The following PNPLA7 variants were observed in gnomAD, a reference collection of about 807,000 sequenced individuals.
PNPLA7 encodes patatin-like phospholipase domain-containing protein 7.
In PNPLA7, 153 loss-of-function variants were observed where a neutral mutation model predicts 161.7. The ratio of observed to expected loss-of-function variants is 0.95; its 90% CI spans 0.83 to 1.08. The LOEUF (loss-of-function observed/expected upper bound fraction) is 1.08, where lower values mean the gene tolerates loss of function less well. Ranked by LOEUF, PNPLA7 falls within the 50% of genes least tolerant of loss-of-function variation. PNPLA7 has a pLI of 0.00. For missense variants in PNPLA7, 1,739 were observed against 1,856.6 expected (o/e 0.94, Z 1.16); for synonymous variants, 809 against 782.1 (o/e 1.03, Z -0.57).
At chr9:137,517,205 C>CT (rs1200561225) in intron 11 of PNPLA7, among the ~76,000 whole-genome samples, 1 of 134,580 alleles carries the variant, frequency 7.4e-6, no homozygotes, top group Admixed American at 7.2e-5. Flanking sequence ...CACTCCATCC[C>CT]CCGTCACTCA....
chr9:137,465,836 G>A (rs1176454276), intron 26 of PNPLA7, among the ~76,000 whole-genome samples: 2 of 152,194 alleles, frequency 1.3e-5, no homozygotes, highest in Non-Finnish European at 2.9e-5. Flanking sequence ...TTCCACAAAA[G>A]CAAGCGCAGC....
At chr9:137,471,861 G>A (rs948102390) in intron 25 of PNPLA7, among the ~76,000 whole-genome samples, 5 of 151,946 alleles carry the variant, frequency 3.3e-5, no homozygotes, top group Non-Finnish European at 5.9e-5. Flanking sequence ...AGACACTGAC[G>A]AGCTGATTTT....
intron 14 of PNPLA7, among the ~76,000 whole-genome samples, chr9:137,503,891 A>G (rs1320787643): frequency 7.2e-4 from 37 of 51,638 alleles, no homozygotes; most frequent in Admixed American, 1.0e-3. Context: ...AGAAGAAGGA[A>G]GAAGAAGAAG....
chr9:137,507,699 G>T (rs1291384188), intron 12 of PNPLA7, among the ~76,000 whole-genome samples: 2 of 149,520 alleles, frequency 1.3e-5, no homozygotes, highest in Non-Finnish European at 2.9e-5. Context: ...AAATACGGGG[G>T]CCAGGCATGG....
chr9:137,463,716 T>A (rs1230537890), intron 28 of PNPLA7, among the ~76,000 whole-genome samples, 185 bp from the exon 29 acceptor site: 2 of 151,966 alleles, frequency 1.3e-5, no homozygotes, highest in Non-Finnish European at 2.9e-5. Context: ...TCGCACTGCA[T>A]TACATGTGCC....
chr9:137,494,273 TC>T (rs1268989105), intron 19 of PNPLA7, among the ~76,000 whole-genome samples: 1 of 152,018 alleles, frequency 6.6e-6, no homozygotes, highest in Non-Finnish European at 1.5e-5. Flanking sequence ...CTTCTCCAGA[TC>T]TCAGAGTGAG....
intron 16 of PNPLA7, 30 bp from the exon 17 acceptor site, chr9:137,498,275 C>G: frequency 1.9e-6 from 3 of 1,605,546 alleles, no homozygotes; most frequent in Non-Finnish European, 2.5e-6. Flanking sequence ...CAATCCTGCC[C>G]CATCCCTCCA....
chr9:137,502,332 A>G (rs1410474470), intron 14 of PNPLA7, among the ~76,000 whole-genome samples: 1 of 152,132 alleles, frequency 6.6e-6, no homozygotes, highest in Non-Finnish European at 1.5e-5. Flanking sequence ...GATGAAATAA[A>G]AATAAGAAGC....
rs1397608076 is a variant in PNPLA7 at position 137,543,668 on chromosome 9, G to A, written c.365+56C>T. On this transcript the variant is annotated intron_variant, in intron 5 of 34. Coordinates refer to ENST00000406427, the MANE Select transcript of PNPLA7 (RefSeq NM_001098537.3). The surrounding 1 kb of genome is among the most constrained non-coding windows in gnomAD (Gnocchi z 6.9). ...ACACCAGGCAGCTCAGGGTTGGGGA[G>A]GCCAGCACCATGGGGGGCACCTGGG... 3 of 1,611,934 alleles carry A rather than the reference G, an allele frequency of 1.9e-6. No individual in the cohort carries two copies. Among genetic ancestry groups the A allele is most frequent in the East Asian group, 2.2e-5 (1 of 44,876 alleles).
In PNPLA7 at chr9:137,543,828, G is replaced by C; in HGVS notation, c.274-13C>G. The C allele has an allele frequency of 6.2e-7, 1 of 1,608,152 alleles. No individual in the cohort carries two copies. Among genetic ancestry groups the C allele is most frequent in the Non-Finnish European group, 8.5e-7 (1 of 1,175,290 alleles). Reference sequence around the variant, plus strand: ...GGAGTGTGGTCACCTGCAGAGCCAAGGGAGAGACCAGCCACTGACCCTGCA... The same window carrying C: ...GGAGTGTGGTCACCTGCAGAGCCAACGGAGAGACCAGCCACTGACCCTGCA... On this transcript the variant is annotated splice_polypyrimidine_tract_variant and intron_variant, in intron 4 of 34. Coordinates refer to ENST00000406427, the MANE Select transcript of PNPLA7 (RefSeq NM_001098537.3). The surrounding 1 kb of genome is among the most constrained non-coding windows in gnomAD (Gnocchi z 6.9).
At chr9:137,497,369 G>A in intron 17 of PNPLA7, 59 bp from the exon 18 acceptor site, 1 of 1,402,300 alleles carries the variant, frequency 7.1e-7, no homozygotes, top group Non-Finnish European at 9.4e-7. Flanking sequence ...TCCACACCCA[G>A]CTTCCCAATG....
intron 33 of PNPLA7, 200 bp downstream of exon 33, chr9:137,461,336 G>C: frequency 1.8e-6 from 1 of 540,996 alleles, no homozygotes; most frequent in South Asian, 2.6e-5. Flanking sequence ...GGTGACCCGG[G>C]GTGGTCACAG....
chr9:137,510,276 A>T (rs754797143), intron 12 of PNPLA7, among the ~76,000 whole-genome samples: 1 of 152,110 alleles, frequency 6.6e-6, no homozygotes, highest in Non-Finnish European at 1.5e-5. Flanking sequence ...AGACCTGCCC[A>T]CAGTTATCCG....
Position 137,547,808 on chromosome 9 carries a change from G to T in PNPLA7, c.31-149C>A. ...GAAGTGATCTCGCCCGGGGTGCCGG[G>T]GTCCTCTGAGCCCCCTGCTAGGAAG... is the stretch of plus-strand genomic sequence containing the variant. On this transcript the variant is annotated intron_variant, in intron 1 of 34. Coordinates refer to ENST00000406427, the MANE Select transcript of PNPLA7 (RefSeq NM_001098537.3). This position sits in a 1 kb window ranked among gnomAD's most constrained non-coding sequence, Gnocchi z 4.6. The T allele has an allele frequency of 1.4e-6, 1 of 733,796 alleles. No homozygotes were observed. Among genetic ancestry groups the T allele is most frequent in the Non-Finnish European group, 2.3e-6 (1 of 432,234 alleles). The allele number at this position is 733,796 out of a possible 1,614,324, so 45.5% of individuals were successfully genotyped here.
intron 9 of PNPLA7, among the ~76,000 whole-genome samples, chr9:137,522,273 A>AC (rs1835048255): frequency 6.6e-6 from 1 of 151,026 alleles, no homozygotes; most frequent in Admixed American, 6.6e-5. Flanking sequence ...ACGGGGTTTC[A>AC]CCGTGTGAGC....
rs1280421836 is a variant in PNPLA7 at position 137,460,017 on chromosome 9, G to GCAGCAGGCAGTTCACAGGA, written c.*357_*375dup. ...CATCAGGGCTCCCACACCTCACAGG[G>GCAGCAGGCAGTTCACAGGA]CAGCAGGCAGTTCACAGGACAGCAG... On this transcript the variant is annotated 3_prime_UTR_variant, in exon 35 of 35. Transcript: ENST00000406427. 9 of 228,192 alleles carry GCAGCAGGCAGTTCACAGGA rather than the reference G, an allele frequency of 3.9e-5. No homozygotes were observed. Among genetic ancestry groups the GCAGCAGGCAGTTCACAGGA allele is most frequent in the African/African-American group, 1.4e-4 (6 of 43,944 alleles). 14.1% of individuals were successfully genotyped at this position (228,192 alleles called of 1,614,324 possible). A position where few individuals can be genotyped will look rare whatever the true frequency, so the allele number is the denominator to read the frequency against.
At chr9:137,544,915 T>C (rs1007109661) in intron 4 of PNPLA7, among the ~76,000 whole-genome samples, 1 of 152,192 alleles carries the variant, frequency 6.6e-6, no homozygotes, top group Non-Finnish European at 1.5e-5. Flanking sequence ...CTCAAAGTGC[T>C]GAGAGTACAG....
At chr9:137,502,467 T>A (rs1833492799) in intron 14 of PNPLA7, among the ~76,000 whole-genome samples, 1 of 149,484 alleles carries the variant, frequency 6.7e-6, no homozygotes, top group South Asian at 2.1e-4. Context: ...GCCAAAAGTT[T>A]GTCAAACAGG....
chr9:137,515,111 T>G (rs901208325), intron 12 of PNPLA7, among the ~76,000 whole-genome samples: 2 of 152,090 alleles, frequency 1.3e-5, no homozygotes, highest in Non-Finnish European at 2.9e-5. Flanking sequence ...GCGGGGCATC[T>G]GGTGGCACCG....
Sources: allele counts gnomAD v4.1 joint callset (sites outside exome capture counted in the v4.1 genomes callset), GRCh38; gene constraint gnomAD v4.1.1; non-coding constraint Gnocchi (gnomAD v3.1); transcripts MANE v1.5; gene names NCBI Gene and HGNC (gene_info 2026-07-23, HGNC 2026-07-21).